The following TTC6 variants were observed in gnomAD, a reference collection of about 807,000 sequenced individuals.
TTC6 encodes the protein tetratricopeptide repeat protein 6.
In TTC6, 172 loss-of-function variants were observed where a neutral mutation model predicts 210.4. That is an observed-to-expected ratio of 0.82 (90% CI 0.72 to 0.93). The LOEUF is 0.93. Ranked by LOEUF, TTC6 falls within the 40% of genes least tolerant of loss-of-function variation. TTC6 has a pLI of 0.00. For missense variants in TTC6, 2,414 were observed against 2,318.1 expected, an observed-to-expected ratio of 1.04 and a Z score of -0.85; for synonymous variants, 804 against 819.6, an observed-to-expected ratio of 0.98 and a Z score of 0.32.
chr14:37,721,411 A>G (rs1184484800), intron 6 of TTC6, among the ~76,000 whole-genome samples: 2 of 152,190 alleles, frequency 1.3e-5, no homozygotes, highest in Non-Finnish European at 2.9e-5. Context: ...GTTCTTTAGC[A>G]TTGGGAACCT....
chr14:37,681,249 G>A (rs917338207), intron 2 of TTC6, among the ~76,000 whole-genome samples: 2 of 152,046 alleles, frequency 1.3e-5, no homozygotes, highest in Non-Finnish European at 2.9e-5. Context: ...TTCTGACCTC[G>A]ACGCCTCTAA....
chr14:37,789,487 T>A (rs970908087), intron 15 of TTC6, among the ~76,000 whole-genome samples: 1 of 151,540 alleles, frequency 6.6e-6, no homozygotes, highest in Non-Finnish European at 1.5e-5. Context: ...AAAAACGGAC[T>A]GTATATACTA....
exon 10 of TTC6, chr14:37,738,866 A>G (rs1280418411): frequency 6.5e-7 from 1 of 1,535,012 alleles, no homozygotes; most frequent in South Asian, 1.2e-5. Context: ...AAAAGAGGTT[A>G]TGTTTCAGAA....
At chr14:37,807,170 T>A in intron 22 of TTC6, 150 bp from the exon 25 acceptor site, 1 of 604,794 alleles carries the variant, frequency 1.7e-6, no homozygotes. Context: ...CCTTTGAAAT[T>A]TTTTTCTAAT....
intron 7 of TTC6, among the ~76,000 whole-genome samples, chr14:37,727,092 A>T (rs965020328): frequency 6.6e-6 from 1 of 151,838 alleles, no homozygotes; most frequent in Non-Finnish European, 1.5e-5. Flanking sequence ...AGAAAGATAT[A>T]TAATACATAA....
At chr14:37,624,567 T>C (rs1239803656) in intron 1 of TTC6, among the ~76,000 whole-genome samples, 3 of 152,204 alleles carry the variant, frequency 2.0e-5, no homozygotes, top group African/African-American at 7.2e-5. Context: ...GACTATTAAA[T>C]GAATAATGAA....
intron 29 of TTC6, chr14:37,837,226 C>A: frequency 4.1e-6 from 1 of 241,080 alleles, no homozygotes; most frequent in Non-Finnish European, 8.5e-6. Flanking sequence ...AAAGAATTTG[C>A]TTTTACATGA....
rs533925639 is a variant in TTC6, at chr14:37,797,098, G to T, written c.4029+151G>T. ...TTGGGTTATTTTCTCTCTTTTTTGT[G>T]CCCCCTCTTAAGAACAGGGCTGCCC... is the stretch of plus-strand genomic sequence containing the variant. On this transcript the variant is annotated intron_variant, in intron 20 of 30. Transcript: ENST00000553443. 9 of 726,082 alleles carry T rather than the reference G, an allele frequency of 1.2e-5. No homozygotes were observed. In the South Asian group the frequency reaches 3.0e-4, roughly 24 times the overall value. 45.0% of individuals were successfully genotyped at this position (726,082 alleles called of 1,614,324 possible). A position where few individuals can be genotyped will look rare whatever the true frequency, so the allele number is the denominator to read the frequency against.
intron 14 of TTC6, among the ~76,000 whole-genome samples, chr14:37,756,839 G>T (rs529941846): frequency 6.6e-6 from 1 of 152,106 alleles, no homozygotes; most frequent in East Asian, 1.9e-4. Flanking sequence ...ACCAGGTTTT[G>T]GTATCAGCAT....
In TTC6 at chr14:37,839,549, G is replaced by A. The variant is rs184361720; in HGVS notation, c.5299-1896G>A. On this transcript the variant is annotated intron_variant, in intron 29 of 30. Transcript: ENST00000553443. Reference sequence around the variant, plus strand: ...TCTTTGTAGATTCTGGATATTAGCCGTTTTGTCAGATGGATAGATTGCAAA... The same window carrying A: ...TCTTTGTAGATTCTGGATATTAGCCATTTTGTCAGATGGATAGATTGCAAA... 4.6e-3 allele frequency among the ~76,000 whole-genome samples: 707 copies of A among 152,058 alleles called. 4 individuals carry two copies. The highest frequency in any genetic ancestry group is 0.014 in the Middle Eastern group (4 of 294).
At chr14:37,728,236 A>G (rs1333190809) in intron 7 of TTC6, among the ~76,000 whole-genome samples, 1 of 152,160 alleles carries the variant, frequency 6.6e-6, no homozygotes, top group African/African-American at 2.4e-5. Flanking sequence ...TTGATCTCAT[A>G]AAGACTTTAA....
At chr14:37,735,259 GT>G (rs1199874794) in intron 7 of TTC6, among the ~76,000 whole-genome samples, 2 of 152,042 alleles carry the variant, frequency 1.3e-5, no homozygotes, top group African/African-American at 4.8e-5. Flanking sequence ...TAATGTTAGT[GT>G]TTGAGACCTA....
At chr14:37,818,305 A>G (rs1322769897) in intron 26 of TTC6, among the ~76,000 whole-genome samples, 1 of 152,150 alleles carries the variant, frequency 6.6e-6, no homozygotes, top group East Asian at 1.9e-4. Flanking sequence ...TATAGTATAT[A>G]GACTTTGTTA....
intron 14 of TTC6, among the ~76,000 whole-genome samples, chr14:37,766,827 T>G (rs2096001009): frequency 1.3e-5 from 2 of 152,098 alleles, no homozygotes; most frequent in South Asian, 4.1e-4. Context: ...ATACTTTAAG[T>G]TTTAGGGTAC....
chr14:37,598,797 G>T lies in TTC6; in HGVS notation c.-235+2789G>T, dbSNP rs2095609528. Among the ~76,000 whole-genome samples the T allele has an allele frequency of 1.3e-5, 2 of 152,158 alleles. No homozygotes were observed. Among genetic ancestry groups the T allele is most frequent in the African/African-American group, 2.4e-5 (1 of 41,442 alleles). Reference sequence around the variant, plus strand: ...GCGGTGCCCATTCGAGTCTCTCCAGGGCTTCCCTCTGTGGCTGTCCCTCGC... The same window carrying T: ...GCGGTGCCCATTCGAGTCTCTCCAGTGCTTCCCTCTGTGGCTGTCCCTCGC... On this transcript the variant is annotated intron_variant, in intron 1 of 2. Transcript: ENST00000556845. This position sits in a 1 kb window ranked among gnomAD's most constrained non-coding sequence, Gnocchi z 4.9.
At chr14:37,629,255 ATTTG>A (rs2095665379) in intron 1 of TTC6, among the ~76,000 whole-genome samples, 1 of 152,164 alleles carries the variant, frequency 6.6e-6, no homozygotes, top group South Asian at 2.1e-4. Flanking sequence ...ATATTTTTCC[ATTTG>A]TTTGTGTCCT....
intron 5 of TTC6, among the ~76,000 whole-genome samples, chr14:37,701,775 A>C (rs1000989745): frequency 6.6e-6 from 1 of 152,154 alleles, no homozygotes; most frequent in African/African-American, 2.4e-5. Flanking sequence ...TGTTACATAC[A>C]TGATCTCATT....
exon 20 of TTC6, chr14:37,796,896 G>A: frequency 6.2e-7 from 1 of 1,609,208 alleles, no homozygotes; most frequent in Non-Finnish European, 8.5e-7. Flanking sequence ...GAGCTGAGAT[G>A]ACCATGTGTG....
chr14:37,815,344 G>A lies in TTC6; in HGVS notation c.4690-2234G>A, dbSNP rs79724614. On this transcript the variant is annotated intron_variant, in intron 25 of 30. Transcript: ENST00000553443. Reference sequence around the variant, plus strand: ...GATAATTTTTTCAGGGGATTCAGGCGTCAGGGTGGCGGGGTGATGGTTTCG... The same window carrying A: ...GATAATTTTTTCAGGGGATTCAGGCATCAGGGTGGCGGGGTGATGGTTTCG... Among the ~76,000 whole-genome samples the A allele has an allele frequency of 1.9e-3, 294 of 152,258 alleles. 3 individuals are homozygous for A. In the East Asian group the frequency reaches 0.047, roughly 24 times the overall value.
Sources: gnomAD v4.1 joint callset for allele counts (sites outside exome capture counted in the v4.1 genomes callset) on GRCh38, gnomAD v4.1.1 for gene constraint, Gnocchi (gnomAD v3.1) non-coding constraint, MANE v1.5 for transcripts, NCBI Gene and HGNC (gene_info 2026-07-23, HGNC 2026-07-21) for gene names.